The following CEP128 variants were observed in gnomAD, a reference collection of about 807,000 sequenced individuals.
CEP128 encodes centrosomal protein 128.
Under a neutral mutation model 156.7 loss-of-function variants are expected in CEP128, and 132 were observed. That is an observed-to-expected ratio of 0.84 (90% CI 0.73 to 0.97). The LOEUF (loss-of-function observed/expected upper bound fraction) is 0.97, where lower values mean the gene tolerates loss of function less well. Among genes scored for constraint, CEP128 ranks in the 50% least tolerant of loss-of-function variants. The probability of loss-of-function intolerance (pLI) is 0.00; values close to 1 mark genes in which losing one functional copy is unlikely to be tolerated. For synonymous variants in CEP128, 469 were observed against 448.9 expected, an observed-to-expected ratio of 1.04 and a Z score of -0.57; for missense variants, 1,252 against 1,281.9, an observed-to-expected ratio of 0.98 and a Z score of 0.36.
At chr14:80,743,582 T>C (rs374134971) in intron 18 of CEP128, among the ~76,000 whole-genome samples, 2 of 152,156 alleles carry the variant, frequency 1.3e-5, no homozygotes, top group African/African-American at 4.8e-5. Context: ...GGCAGTCTAG[T>C]ATAGGAATTT....
At chr14:80,666,516 A>G (rs1895620217) in intron 19 of CEP128, among the ~76,000 whole-genome samples, 1 of 152,166 alleles carries the variant, frequency 6.6e-6, no homozygotes, top group Admixed American at 6.5e-5. Flanking sequence ...TTATCACATC[A>G]TATTCTGAAA....
At chr14:80,935,910 G>A (rs1885780455) in intron 2 of CEP128, among the ~76,000 whole-genome samples, 2 of 152,082 alleles carry the variant, frequency 1.3e-5, no homozygotes, top group African/African-American at 2.4e-5. Context: ...AATATGACAG[G>A]TAAGGAAACA....
At chr14:80,570,870 G>C (rs1358380196) in intron 20 of CEP128, among the ~76,000 whole-genome samples, 2 of 151,906 alleles carry the variant, frequency 1.3e-5, no homozygotes, top group Non-Finnish European at 2.9e-5. Context: ...ATTTTTAACA[G>C]GCATTAGGTA....
chr14:80,718,623 T>C (rs573042764), intron 19 of CEP128, among the ~76,000 whole-genome samples: 20 of 152,328 alleles, frequency 1.3e-4, no homozygotes, highest in Admixed American at 3.3e-4. Flanking sequence ...TAGTTTCACG[T>C]GATCTTGTAG....
At chr14:80,697,299 T>C (rs948569086) in intron 19 of CEP128, among the ~76,000 whole-genome samples, 1 of 152,150 alleles carries the variant, frequency 6.6e-6, no homozygotes, top group Non-Finnish European at 1.5e-5. Context: ...ATAATGGTTG[T>C]TCTCCTTACA....
chr14:80,526,751 A>G (rs1888988742), intron 23 of CEP128, 118 bp downstream of exon 23: 1 of 547,778 alleles, frequency 1.8e-6, no homozygotes, highest in Non-Finnish European at 3.2e-6. Context: ...TAATATATCA[A>G]GGAAAATATT....
intron 8 of CEP128, among the ~76,000 whole-genome samples, chr14:80,865,349 T>C (rs1887717526): frequency 1.3e-5 from 2 of 152,220 alleles, no homozygotes; most frequent in African/African-American, 2.4e-5. Context: ...AATAGATACT[T>C]AAATTGTTTC....
chr14:80,875,656 G>C (rs1306547833), intron 8 of CEP128, among the ~76,000 whole-genome samples: 1 of 152,212 alleles, frequency 6.6e-6, no homozygotes, highest in Non-Finnish European at 1.5e-5. Flanking sequence ...ATGAAAATCA[G>C]TGAGTGGGTT....
intron 8 of CEP128, among the ~76,000 whole-genome samples, chr14:80,869,938 A>G (rs752274675): frequency 3.3e-5 from 5 of 152,114 alleles, no homozygotes; most frequent in Non-Finnish European, 7.4e-5. Flanking sequence ...TACCACAAAA[A>G]TACAAAGTCT....
intron 7 of CEP128, 84 bp from the exon 8 acceptor site, chr14:80,895,874 T>C: frequency 1.0e-6 from 1 of 953,714 alleles, no homozygotes. Flanking sequence ...ATGATAATTA[T>C]GTTATTACAA....
At chr14:80,784,702 G>A (rs1245113404) in intron 15 of CEP128, among the ~76,000 whole-genome samples, 193 bp downstream of exon 15, 1 of 152,166 alleles carries the variant, frequency 6.6e-6, no homozygotes, top group Non-Finnish European at 1.5e-5. Context: ...CTCTGAAATA[G>A]GTGCTCCCAG....
intron 13 of CEP128, among the ~76,000 whole-genome samples, chr14:80,805,227 T>C (rs916338667): frequency 6.6e-6 from 1 of 151,936 alleles, no homozygotes; most frequent in Non-Finnish European, 1.5e-5. Context: ...ATCTGTCAAT[T>C]AGATGCAATG....
chr14:80,481,097 C>T (rs1887042909), intron 14 of CEP128, among the ~76,000 whole-genome samples: 1 of 152,150 alleles, frequency 6.6e-6, no homozygotes, highest in Non-Finnish European at 1.5e-5. Context: ...TTTTCAGCAA[C>T]TCCCCACTCT....
intron 8 of CEP128, among the ~76,000 whole-genome samples, chr14:80,866,508 C>T (rs990070094): frequency 1.3e-5 from 2 of 152,142 alleles, no homozygotes; most frequent in Non-Finnish European, 2.9e-5. Context: ...ACCCAGATAC[C>T]AGCTCAGGCC....
At chr14:80,557,144 A>G (rs567241586) in intron 21 of CEP128, among the ~76,000 whole-genome samples, 3 of 152,214 alleles carry the variant, frequency 2.0e-5, no homozygotes, top group Admixed American at 2.0e-4. Flanking sequence ...TTAGGTTAGG[A>G]CATTTGTGAT....
chr14:80,538,571 T>C (rs1006651146), intron 21 of CEP128, among the ~76,000 whole-genome samples: 2 of 152,244 alleles, frequency 1.3e-5, no homozygotes, highest in African/African-American at 4.8e-5. Flanking sequence ...TGCTTTATCA[T>C]ATATCAATCC....
Position 80,920,239 on chromosome 14 carries a change from T to C in CEP128, c.-15-3677A>G, listed in dbSNP as rs539349711. Among the ~76,000 whole-genome samples, 252 of 152,256 alleles carry C rather than the reference T, an allele frequency of 1.7e-3. 3 individuals are homozygous for C. Among genetic ancestry groups the C allele is most frequent in the African/African-American group, 5.2e-3 (216 of 41,538 alleles). On this transcript the variant is annotated intron_variant, in intron 2 of 24. Transcript: ENST00000555265. ...AGGCAGCTATAGTGGCAGAAATCCA[T>C]CCTTACCAAGAATCTCCGATCTATC...
chr14:80,894,608 G>C, intron 8 of CEP128: 1 of 477,472 alleles, frequency 2.1e-6, no homozygotes, highest in African/African-American at 2.0e-5. Flanking sequence ...ACATTAATTG[G>C]AAAGACGTTG....
chr14:80,836,571 TC>T (rs1886089495), intron 11 of CEP128, among the ~76,000 whole-genome samples: 2 of 152,168 alleles, frequency 1.3e-5, no homozygotes, highest in African/African-American at 2.4e-5. Flanking sequence ...ATTTTTTTTT[TC>T]ATCACTTATT....
Sources: allele counts gnomAD v4.1 joint callset (sites outside exome capture counted in the v4.1 genomes callset), GRCh38; gene constraint gnomAD v4.1.1; transcripts MANE v1.5; gene names NCBI Gene and HGNC (gene_info 2026-07-23, HGNC 2026-07-21).